CSMD2: variants seen among roughly 807,000 people sequenced by gnomAD.
CSMD2 encodes CUB and Sushi multiple domains 2, also known as CUB and sushi domain-containing protein 2.
Under a neutral mutation model 398.5 loss-of-function variants are expected in CSMD2, and 130 were observed. The ratio of observed to expected loss-of-function variants is 0.33; its 90% CI spans 0.28 to 0.38. The LOEUF is 0.38. Among genes scored for constraint, CSMD2 ranks in the 10% least tolerant of loss-of-function variants. The pLI, the probability that CSMD2 is intolerant of heterozygous loss-of-function variation, is 1.00. For synonymous variants in CSMD2, 1,828 were observed against 1,908.5 expected (o/e 0.96, Z 1.10); for missense variants, 3,829 against 4,764.9 (o/e 0.80, Z 5.78).
At chr1:33,718,332 C>G (rs558480950) in intron 19 of CSMD2, among the ~76,000 whole-genome samples, 1 of 152,310 alleles carries the variant, frequency 6.6e-6, no homozygotes, top group South Asian at 2.1e-4. Flanking sequence ...GTCCAGATGG[C>G]AGTTGTGTTT....
Position 33,636,571 on chromosome 1 carries a change from C to T in CSMD2, c.4775-17G>A. The T allele has an allele frequency of 1.9e-6, 3 of 1,610,514 alleles. No individual in the cohort carries two copies. Among genetic ancestry groups the T allele is most frequent in the Non-Finnish European group, 2.5e-6 (3 of 1,177,058 alleles). ...GCGGGTTTTCTGGGAAAAAGAAATA[C>T]AAACACGTGCACACACACAGAGGGC... On this transcript the variant is annotated splice_polypyrimidine_tract_variant and intron_variant, in intron 29 of 70. Transcript: ENST00000373381. This position sits in a 1 kb window ranked among gnomAD's most constrained non-coding sequence, Gnocchi z 4.8.
chr1:33,946,669 A>G (rs1362211663), intron 3 of CSMD2, among the ~76,000 whole-genome samples: 1 of 149,286 alleles, frequency 6.7e-6, no homozygotes, highest in Non-Finnish European at 1.5e-5. Context: ...CCCAGGGTGG[A>G]GTGCAGTGGC....
intron 47 of CSMD2, among the ~76,000 whole-genome samples, chr1:33,581,559 A>AG (rs1638726574): frequency 6.7e-6 from 1 of 149,730 alleles, no homozygotes; most frequent in Admixed American, 6.7e-5. Flanking sequence ...AAAAAAGAAA[A>AG]GAAAAAAAGC....
At chr1:33,597,304 C>T (rs1163992214) in intron 44 of CSMD2, among the ~76,000 whole-genome samples, 1 of 152,152 alleles carries the variant, frequency 6.6e-6, no homozygotes. Flanking sequence ...TGAATATCCT[C>T]TCTTAGGTTT....
At chr1:33,774,197 C>T (rs989886362) in intron 12 of CSMD2, among the ~76,000 whole-genome samples, 1 of 150,902 alleles carries the variant, frequency 6.6e-6, no homozygotes, top group African/African-American at 2.4e-5. Flanking sequence ...GCAGGGGAGT[C>T]TGTGTGACCA....
chr1:33,739,425 C>A, intron 14 of CSMD2, 91 bp from the exon 15 acceptor site: 1 of 1,248,144 alleles, frequency 8.0e-7, no homozygotes, highest in Non-Finnish European at 1.1e-6. Flanking sequence ...ATGGGAAACC[C>A]TAGAACTCCA....
Position 33,537,134 on chromosome 1 carries a change from G to A in CSMD2, c.9806-39C>T, listed in dbSNP as rs780292167. On this transcript the variant is annotated intron_variant, in intron 61 of 70. Coordinates refer to ENST00000373381, the MANE Select transcript of CSMD2 (RefSeq NM_001281956.2). This position sits in a 1 kb window ranked among gnomAD's most constrained non-coding sequence, Gnocchi z 4.6. ...ACAAAGACACAGATCACATGGTCAT[G>A]GAAGCCTTCACGGCCTCATCTCACT... The A allele has an allele frequency of 3.7e-6, 6 of 1,608,586 alleles. No homozygotes were observed. Among genetic ancestry groups the A allele is most frequent in the African/African-American group, 1.3e-5 (1 of 74,810 alleles).
At chr1:33,527,155 T>A in intron 65 of CSMD2, 41 bp downstream of exon 65, 1 of 1,569,528 alleles carries the variant, frequency 6.4e-7, no homozygotes, top group Non-Finnish European at 8.8e-7. Flanking sequence ...GTGAAAAAAG[T>A]AACACCAGTT....
chr1:33,556,193 GA>G (rs1218834059), intron 55 of CSMD2, among the ~76,000 whole-genome samples: 1 of 152,182 alleles, frequency 6.6e-6, no homozygotes, highest in African/African-American at 2.4e-5. Flanking sequence ...TTTACTAGAA[GA>G]AAAAACAATT....
At chr1:33,842,841 C>T (rs1249851224) in intron 6 of CSMD2, among the ~76,000 whole-genome samples, 4 of 152,070 alleles carry the variant, frequency 2.6e-5, no homozygotes, top group Non-Finnish European at 4.4e-5. Flanking sequence ...GGTGGAGGGC[C>T]GGATTTGGTC....
rs193099997 is a variant in CSMD2 at position 33,990,202 on chromosome 1, G to A, written c.517+42392C>T. Among the ~76,000 whole-genome samples, 4 of 152,240 alleles carry A rather than the reference G, an allele frequency of 2.6e-5. No homozygotes were observed. In the East Asian group the frequency reaches 7.7e-4, roughly 29 times the overall value. Reference sequence around the variant, plus strand: ...CAGGAGAATCACCTGAACCTGGGAGGCGGATGTTGCAGTGAGCTGAGATCG... The same window carrying A: ...CAGGAGAATCACCTGAACCTGGGAGACGGATGTTGCAGTGAGCTGAGATCG... On this transcript the variant is annotated intron_variant, in intron 3 of 70. Coordinates refer to ENST00000373381, the MANE Select transcript of CSMD2 (RefSeq NM_001281956.2).
intron 53 of CSMD2, 26 bp downstream of exon 53, chr1:33,567,567 C>T (rs367562696): frequency 8.4e-5 from 136 of 1,612,182 alleles, no homozygotes; most frequent in Non-Finnish European, 1.1e-4. Context: ...AGCCCCATGA[C>T]TAGGGAGAGT....
At chr1:33,803,016 C>G (rs1360512356) in intron 10 of CSMD2, among the ~76,000 whole-genome samples, 1 of 152,180 alleles carries the variant, frequency 6.6e-6, no homozygotes, top group Non-Finnish European at 1.5e-5. Context: ...GTTGCTGCCC[C>G]TAGAGCTTCA....
chr1:33,723,667 G>C (rs1426426484), intron 19 of CSMD2, among the ~76,000 whole-genome samples: 1 of 152,242 alleles, frequency 6.6e-6, no homozygotes, highest in Non-Finnish European at 1.5e-5. Context: ...AGTTATGCAA[G>C]AAGGGGATCG....
At chr1:33,863,945 A>G (rs1372714164) in intron 5 of CSMD2, 1 of 441,878 alleles carries the variant, frequency 2.3e-6, no homozygotes, top group African/African-American at 2.0e-5. Flanking sequence ...ACCAACCAAT[A>G]CGAGCACCTG....
chr1:33,935,675 C>T, intron 4 of CSMD2, 85 bp downstream of exon 4: 1 of 1,383,610 alleles, frequency 7.2e-7, no homozygotes, highest in South Asian at 1.4e-5. Flanking sequence ...GTAGCTTTGC[C>T]CTTTGAGACT....
intron 5 of CSMD2, among the ~76,000 whole-genome samples, chr1:33,858,041 C>T (rs1639225031): frequency 6.6e-6 from 1 of 152,226 alleles, no homozygotes. Flanking sequence ...CATTCTGTGT[C>T]TAATCATCTG....
At chr1:33,979,357 T>C (rs1041070566) in intron 3 of CSMD2, among the ~76,000 whole-genome samples, 10 of 147,892 alleles carry the variant, frequency 6.8e-5, no homozygotes, top group African/African-American at 1.5e-4. Flanking sequence ...AGGTTTCCTA[T>C]GGCATCTTTG....
intron 25 of CSMD2, among the ~76,000 whole-genome samples, chr1:33,666,541 A>ATGTG (rs67825405): frequency 2.5e-4 from 37 of 148,742 alleles, no homozygotes; most frequent in Admixed American, 1.8e-3. Context: ...AGATATATAT[A>ATGTG]TGTGTGTGTG....
Sources: gnomAD v4.1 joint callset for allele counts (sites outside exome capture counted in the v4.1 genomes callset) on GRCh38, gnomAD v4.1.1 for gene constraint, Gnocchi (gnomAD v3.1) non-coding constraint, MANE v1.5 for transcripts, NCBI Gene and HGNC (gene_info 2026-07-23, HGNC 2026-07-21) for gene names.